Variants in GABRB3 observed in about 807,000 individuals in gnomAD.
GABRB3 encodes gamma-aminobutyric acid type A receptor subunit beta3.
GABRB3 carries 14 observed loss-of-function variants against 52.1 expected under a neutral mutation model. The ratio of observed to expected loss-of-function variants is 0.27; its 90% CI spans 0.18 to 0.42. The LOEUF (loss-of-function observed/expected upper bound fraction) is 0.42, where lower values mean the gene tolerates loss of function less well. Ranked by LOEUF, GABRB3 falls within the 10% of genes least tolerant of loss-of-function variation. GABRB3 has a pLI of 1.00. For missense variants in GABRB3, 307 were observed against 609.1 expected, an observed-to-expected ratio of 0.50 and a Z score of 5.22; for synonymous variants, 260 against 232.3, an observed-to-expected ratio of 1.12 and a Z score of -1.08.
intron 4 of GABRB3, among the ~76,000 whole-genome samples, chr15:26,596,118 G>A (rs896588436): frequency 6.6e-6 from 1 of 152,084 alleles, no homozygotes; most frequent in African/African-American, 2.4e-5. Flanking sequence ...GGCAGGAGAG[G>A]GAGGGTGTTT....
At chr15:26,730,864 C>T (rs1889892600) in intron 3 of GABRB3, among the ~76,000 whole-genome samples, 1 of 152,148 alleles carries the variant, frequency 6.6e-6, no homozygotes, top group Non-Finnish European at 1.5e-5. Context: ...AAATACTTTT[C>T]TCATAGGAGC....
chr15:26,576,437 A>G (rs913271287), intron 6 of GABRB3, among the ~76,000 whole-genome samples: 6 of 152,206 alleles, frequency 3.9e-5, no homozygotes, highest in South Asian at 2.1e-4. Context: ...TAAGAATTAC[A>G]TATCAAAACA....
At chr15:26,563,890 G>T (rs1187278899) in intron 7 of GABRB3, among the ~76,000 whole-genome samples, 1 of 152,084 alleles carries the variant, frequency 6.6e-6, no homozygotes, top group African/African-American at 2.4e-5. Flanking sequence ...GTATTTGAAA[G>T]CTGTATTTAT....
intron 4 of GABRB3, among the ~76,000 whole-genome samples, chr15:26,600,274 A>G (rs1891540396): frequency 6.6e-6 from 1 of 152,154 alleles, no homozygotes; most frequent in African/African-American, 2.4e-5. Context: ...AAACAGTCAC[A>G]TAATAGGATT....
At chr15:26,595,861 A>G (rs1050065049) in intron 4 of GABRB3, among the ~76,000 whole-genome samples, 18 of 152,146 alleles carry the variant, frequency 1.2e-4, no homozygotes, top group Admixed American at 3.3e-4. Flanking sequence ...CGATTGTCCT[A>G]TGCATTCCCT....
rs745841016 is a variant in GABRB3, at chr15:26,580,341, C to T, written c.660G>A (p.Ser220=). ...QFSIVEHRLV[S]RNVVFATGAY... is the part of the protein sequence containing the mutation. ...CACCTGTGGCGAAGACAACATTCCTCGAGACCAGACGGTGCTCCACGATGG... is the reference window on the plus strand; with the variant it reads ...CACCTGTGGCGAAGACAACATTCCTTGAGACCAGACGGTGCTCCACGATGG... The change falls in exon 6 of 9, where the codon TCG becomes TCA. Residue 220 remains serine, a synonymous_variant. Coordinates refer to ENST00000311550, the MANE Select transcript of GABRB3 (RefSeq NM_000814.6). 25 of 1,614,002 alleles carry T rather than the reference C, an allele frequency of 1.5e-5. No homozygotes were observed. The highest frequency in any genetic ancestry group is 1.9e-5 in the Non-Finnish European group (23 of 1,180,040).
intron 3 of GABRB3, among the ~76,000 whole-genome samples, chr15:26,668,406 C>T (rs1887782086): frequency 6.6e-6 from 1 of 152,202 alleles, no homozygotes; most frequent in Non-Finnish European, 1.5e-5. Context: ...GCTCTTACTA[C>T]ATGAGGCCGG....
intron 3 of GABRB3, among the ~76,000 whole-genome samples, chr15:26,762,004 T>G (rs1890836839): frequency 6.6e-6 from 1 of 152,154 alleles, no homozygotes; most frequent in Admixed American, 6.5e-5. Flanking sequence ...GGCTAATTTT[T>G]GTATTTTTAG....
chr15:26,553,728 T>C (rs1046801049), intron 8 of GABRB3, among the ~76,000 whole-genome samples: 11 of 151,978 alleles, frequency 7.2e-5, no homozygotes, highest in Non-Finnish European at 1.6e-4. Context: ...ATGTGGCTGC[T>C]ACATGTCACC....
At chr15:26,660,415 A>G (rs1450005033) in intron 3 of GABRB3, among the ~76,000 whole-genome samples, 1 of 152,228 alleles carries the variant, frequency 6.6e-6, no homozygotes, top group Non-Finnish European at 1.5e-5. Context: ...TGAAATCCCA[A>G]GTCAATTTCC....
intron 5 of GABRB3, chr15:26,581,008 A>T (rs1890767685): frequency 7.6e-6 from 2 of 262,808 alleles, no homozygotes; most frequent in African/African-American, 4.5e-5. Flanking sequence ...CAACCTTAGA[A>T]ATGCCTGTTC....
At chr15:26,720,263 T>C (rs1889608539) in intron 3 of GABRB3, among the ~76,000 whole-genome samples, 1 of 152,170 alleles carries the variant, frequency 6.6e-6, no homozygotes, top group Non-Finnish European at 1.5e-5. Context: ...TCAGCCCGCC[T>C]GCACCCAGGT....
chr15:26,624,194 T>C, intron 3 of GABRB3: 1 of 985,420 alleles, frequency 1.0e-6, no homozygotes, highest in Non-Finnish European at 1.2e-6. Flanking sequence ...ATTCCGCCCC[T>C]TCATCACCAT....
At chr15:26,772,278 C>T (rs1045623688) in intron 3 of GABRB3, 124 bp downstream of exon 3, 1 of 807,480 alleles carries the variant, frequency 1.2e-6, no homozygotes, top group Non-Finnish European at 1.9e-6. Flanking sequence ...GAGCGCGGCT[C>T]CCTCTGCGGA....
intron 4 of GABRB3, chr15:26,616,098 A>G (rs1224553472): frequency 1.6e-6 from 2 of 1,287,436 alleles, no homozygotes; most frequent in South Asian, 2.5e-5. Flanking sequence ...GTTGGGTTAC[A>G]CACACTGGCC....
At chr15:26,721,663 G>A (rs1004969172) in intron 3 of GABRB3, among the ~76,000 whole-genome samples, 3 of 151,738 alleles carry the variant, frequency 2.0e-5, no homozygotes, top group Admixed American at 1.3e-4. Flanking sequence ...AGGGTAGAGG[G>A]GAAATTATTT....
At chr15:26,674,468 G>A (rs36037082) in intron 3 of GABRB3, among the ~76,000 whole-genome samples, 28,407 of 81,540 alleles carry the variant, frequency 0.35, 3,561 homozygotes, top group Non-Finnish European at 0.46. Flanking sequence ...AAAAGAAAAA[G>A]AAAGAAAGAA....
At chr15:26,560,002 T>C (rs1364097052) in intron 8 of GABRB3, among the ~76,000 whole-genome samples, 2 of 152,196 alleles carry the variant, frequency 1.3e-5, no homozygotes, top group African/African-American at 4.8e-5. Context: ...GTGCAAAGAA[T>C]GGCAGCATGC....
At chr15:26,743,432 C>A (rs1890261636) in intron 3 of GABRB3, among the ~76,000 whole-genome samples, 1 of 152,210 alleles carries the variant, frequency 6.6e-6, no homozygotes, top group Admixed American at 6.5e-5. Flanking sequence ...TCTACTGTGA[C>A]TGATGGCTGT....
Sources: allele counts gnomAD v4.1 joint callset (sites outside exome capture counted in the v4.1 genomes callset), GRCh38; gene constraint gnomAD v4.1.1; transcripts MANE v1.5; gene names NCBI Gene and HGNC (gene_info 2026-07-23, HGNC 2026-07-21).